The following TLK2 variants were observed in gnomAD, a reference collection of about 807,000 sequenced individuals.
The protein encoded by TLK2 is tousled like kinase 2.
A neutral mutation model predicts 117.3 loss-of-function variants in TLK2; 6 were observed. The ratio of observed to expected loss-of-function variants is 0.05; its 90% CI spans 0.03 to 0.10. The LOEUF (loss-of-function observed/expected upper bound fraction) is 0.10. Ranked by LOEUF, TLK2 falls within the 10% of genes least tolerant of loss-of-function variation. The pLI is 1.00. For synonymous variants in TLK2, 257 were observed against 316.7 expected, an observed-to-expected ratio of 0.81 and a Z score of 2.00; for missense variants, 299 against 901.2, an observed-to-expected ratio of 0.33 and a Z score of 8.56.
intron 1 of TLK2, among the ~76,000 whole-genome samples, chr17:62,472,758 G>T (rs1311926170): frequency 6.6e-6 from 1 of 151,468 alleles, no homozygotes; most frequent in East Asian, 1.9e-4. Context: ...AAAAAGCCAG[G>T]AGGTGGGCAG....
At chr17:62,605,417 T>C (rs1328932131) in intron 19 of TLK2, among the ~76,000 whole-genome samples, 2 of 152,124 alleles carry the variant, frequency 1.3e-5, no homozygotes, top group African/African-American at 4.8e-5. Flanking sequence ...CTCACTCTCT[T>C]GCTGGAGTGC....
chr17:62,488,102 T>G (rs934730201), intron 2 of TLK2, among the ~76,000 whole-genome samples: 1 of 151,894 alleles, frequency 6.6e-6, no homozygotes, highest in African/African-American at 2.4e-5. Flanking sequence ...GCCCACCTAA[T>G]TTTTGTATTT....
chr17:62,516,145 A>T (rs2075563505), intron 2 of TLK2, among the ~76,000 whole-genome samples: 1 of 151,956 alleles, frequency 6.6e-6, no homozygotes. Context: ...GGCTGGTCTC[A>T]AACTCCTGAA....
chr17:62,548,008 G>C (rs1018901134), intron 7 of TLK2, among the ~76,000 whole-genome samples: 1 of 151,952 alleles, frequency 6.6e-6, no homozygotes, highest in South Asian at 2.1e-4. Flanking sequence ...TTGCATTATG[G>C]GTAATTAAAG....
At chr17:62,587,637 G>A (rs1409177014) in intron 16 of TLK2, among the ~76,000 whole-genome samples, 1 of 152,168 alleles carries the variant, frequency 6.6e-6, no homozygotes, top group African/African-American at 2.4e-5. Flanking sequence ...GAGCAACAGG[G>A]CTTAGCAGAG....
intron 16 of TLK2, among the ~76,000 whole-genome samples, chr17:62,589,010 G>C (rs1033997418): frequency 1.3e-5 from 2 of 152,054 alleles, no homozygotes; most frequent in Non-Finnish European, 2.9e-5. Context: ...GTCCCATCTG[G>C]AATCAAGACA....
intron 17 of TLK2, chr17:62,600,444 G>C (rs1481746356): frequency 2.1e-6 from 1 of 473,890 alleles, no homozygotes. Flanking sequence ...CCAACATTGA[G>C]GGTGTGGAAA....
intron 6 of TLK2, among the ~76,000 whole-genome samples, chr17:62,533,926 C>T (rs1390627005): frequency 1.3e-5 from 2 of 152,012 alleles, no homozygotes; most frequent in South Asian, 2.1e-4. Flanking sequence ...TCTGCACAAA[C>T]GTCCTACCAT....
intron 6 of TLK2, among the ~76,000 whole-genome samples, chr17:62,531,090 G>A (rs561619804): frequency 6.6e-5 from 10 of 152,026 alleles, no homozygotes; most frequent in Non-Finnish European, 1.0e-4. Flanking sequence ...TCTCTTGCTT[G>A]TGATTTCTTG....
chr17:62,607,585 C>CA (rs2083408834), intron 20 of TLK2, among the ~76,000 whole-genome samples: 1 of 152,092 alleles, frequency 6.6e-6, no homozygotes, highest in African/African-American at 2.4e-5. Context: ...TAAGTAACCC[C>CA]AACTCTTTCT....
intron 16 of TLK2, among the ~76,000 whole-genome samples, chr17:62,586,597 A>G (rs535888227): frequency 1.3e-5 from 2 of 152,220 alleles, no homozygotes; most frequent in East Asian, 1.9e-4. Flanking sequence ...TGAGGCAGGC[A>G]GATCACGAAG....
intron 2 of TLK2, among the ~76,000 whole-genome samples, chr17:62,502,689 A>G (rs2074307803): frequency 6.6e-6 from 1 of 152,238 alleles, no homozygotes; most frequent in East Asian, 1.9e-4. Flanking sequence ...ATATAAATCA[A>G]TTTGCAAGAT....
Position 62,524,253 on chromosome 17 carries a change from G to A in TLK2, c.285G>A (p.Ala95=), listed in dbSNP as rs1236406160. ...TTGGCCAGTTTGCTGGGGGAAGCGC[G>A]CCAGGAACCAGCCCTGGCAGAAGTG... ...SDYFEFAGGS[A]PGTSPGRSVP... Residue 95 remains alanine, a synonymous_variant, in exon 6 of 22, where the codon GCG becomes GCA. Transcript: ENST00000346027. 5.0e-6 allele frequency: 8 copies of A among 1,613,736 alleles called. No homozygotes were observed. Among genetic ancestry groups the A allele is most frequent in the South Asian group, 1.1e-5 (1 of 91,074 alleles).
chr17:62,558,899 T>G (rs967548749), intron 9 of TLK2, among the ~76,000 whole-genome samples: 1 of 152,244 alleles, frequency 6.6e-6, no homozygotes, highest in Admixed American at 6.5e-5. Flanking sequence ...TATCGTGTGA[T>G]ATCTTCTGTT....
intron 15 of TLK2, among the ~76,000 whole-genome samples, chr17:62,585,200 G>A (rs1327501634): frequency 6.6e-6 from 1 of 152,222 alleles, no homozygotes; most frequent in Non-Finnish European, 1.5e-5. Flanking sequence ...TCTGGACAGT[G>A]CTGGAGAAGT....
intron 2 of TLK2, among the ~76,000 whole-genome samples, chr17:62,495,864 A>G (rs9907329): frequency 0.93 from 141,355 of 151,184 alleles, 66,836 homozygotes; most frequent in East Asian, 1. Flanking sequence ...GGGTTTCACC[A>G]TGTTGCCCAG....
At chr17:62,528,957 G>A (rs2076561044) in intron 6 of TLK2, among the ~76,000 whole-genome samples, 1 of 152,138 alleles carries the variant, frequency 6.6e-6, no homozygotes, top group Non-Finnish European at 1.5e-5. Context: ...TGATCACTTG[G>A]CTGGTTTTTG....
At position 62,503,145 on chromosome 17, in the gene TLK2, C is replaced by T. The variant is rs184219573; in HGVS notation, c.82-17628C>T. 2.7e-3 allele frequency among the ~76,000 whole-genome samples: 408 copies of T among 150,638 alleles called. 1 individual carries two copies. The highest frequency in any genetic ancestry group is 9.5e-3 in the African/African-American group (390 of 41,046). On this transcript the variant is annotated intron_variant, in intron 2 of 21. Transcript: ENST00000346027. ...CGCGATCTTGGCTCACGGCAAGCTC[C>T]GCCTCCCAGGTTCACGCCATTCTCC...
At position 62,606,217 on chromosome 17, in the gene TLK2, C is replaced by A; in HGVS notation, c.1947C>A (p.Phe649Leu). The A allele has an allele frequency of 6.3e-7, 1 of 1,595,076 alleles. No individual in the cohort carries two copies. The highest frequency in any genetic ancestry group is 8.6e-7 in the Non-Finnish European group (1 of 1,167,966). The part of the protein sequence containing the change: ...KVDVWSVGVI[F>L]YQCLYGRKPF... ...ATGTGTGGTCGGTGGGTGTGATCTT[C>A]TATCAGTGTCTTTATGGAAGGAAGG... is the stretch of plus-strand genomic sequence containing the variant. The change falls in exon 20 of 22, where the codon TTC becomes TTA. Residue 649 changes from phenylalanine to leucine, a missense_variant. Physicochemically the swap from Phe to Leu is conservative, Grantham distance 22. Transcript: ENST00000346027.
Sources: gnomAD v4.1 joint callset for allele counts (sites outside exome capture counted in the v4.1 genomes callset) on GRCh38, gnomAD v4.1.1 for gene constraint, MANE v1.5 for transcripts, NCBI Gene and HGNC (gene_info 2026-07-23, HGNC 2026-07-21) for gene names.